Variants in ITGA4 observed in about 807,000 individuals in gnomAD.
The protein encoded by ITGA4 is integrin alpha-4.
A neutral mutation model predicts 133.6 loss-of-function variants in ITGA4; 63 were observed. The ratio of observed to expected loss-of-function variants is 0.47; its 90% confidence interval spans 0.38 to 0.58. The LOEUF (loss-of-function observed/expected upper bound fraction) is 0.58. ITGA4 is among the 20% of genes least tolerant of loss of function. The pLI, the probability that ITGA4 is intolerant of heterozygous loss-of-function variation, is 0.00. For missense variants in ITGA4, 1,076 were observed against 1,252.7 expected, an observed-to-expected ratio of 0.86 and a Z score of 2.13; for synonymous variants, 483 against 438.0, an observed-to-expected ratio of 1.10 and a Z score of -1.28.
intron 2 of ITGA4, chr2:181,459,199 A>C (rs1316229484): frequency 6.6e-6 from 1 of 152,216 alleles, no homozygotes; most frequent in East Asian, 1.9e-4. Flanking sequence ...CCTTTTTAAA[A>C]GTTACTTAGC....
At position 181,485,870 on chromosome 2, in the gene ITGA4, T is replaced by G. The variant is rs1685902827; in HGVS notation, c.1042-11T>G. The G allele has an allele frequency of 6.3e-7, 1 of 1,591,848 alleles. No individual in the cohort carries two copies. The highest frequency in any genetic ancestry group is 1.4e-5 in the African/African-American group (1 of 73,840). On this transcript the variant is annotated splice_polypyrimidine_tract_variant and intron_variant, in intron 9 of 27. Coordinates refer to ENST00000397033, the MANE Select transcript of ITGA4 (RefSeq NM_000885.6). ...GTTATAATGACACGTTTTCTCTCCC[T>G]TTCTATCTAGGGAGCAGTAATGAAT...
At chr2:181,503,426 CTA>C (rs1686323861) in intron 15 of ITGA4, among the ~76,000 whole-genome samples, 1 of 151,854 alleles carries the variant, frequency 6.6e-6, no homozygotes, top group Non-Finnish European at 1.5e-5. Flanking sequence ...TTTTCTGAGG[CTA>C]TGTTTTCATT....
At chr2:181,462,268 CTT>C (rs1685299381) in intron 2 of ITGA4, among the ~76,000 whole-genome samples, 1 of 152,144 alleles carries the variant, frequency 6.6e-6, no homozygotes, top group African/African-American at 2.4e-5. Context: ...CTGTCCCTCT[CTT>C]ACAGGAAAGA....
chr2:181,535,025 T>A, intron 27 of ITGA4, 90 bp downstream of exon 27: 1 of 1,385,274 alleles, frequency 7.2e-7, no homozygotes, highest in Non-Finnish European at 9.6e-7. Context: ...ATTTAAATAT[T>A]TCACTATTTG....
intron 24 of ITGA4, among the ~76,000 whole-genome samples, chr2:181,530,954 C>T (rs1480659502): frequency 2.0e-5 from 3 of 151,920 alleles, no homozygotes; most frequent in Admixed American, 6.6e-5. Context: ...GAGTGAAACC[C>T]CGTCTCTACT....
chr2:181,510,048 T>A (rs1186549370), intron 16 of ITGA4, among the ~76,000 whole-genome samples: 1 of 152,130 alleles, frequency 6.6e-6, no homozygotes, highest in East Asian at 1.9e-4. Context: ...GCTGATGTTC[T>A]ATTTTTAATG....
At position 181,501,209 on chromosome 2, in the gene ITGA4, T is replaced by C. The variant is rs574370794; in HGVS notation, c.1695+2432T>C. ...CTGCAGTAAGGGCTGAGAATGTGCA[T>C]TTCTGCAAAGTTCCCAGAGGACCCA... On this transcript the variant is annotated intron_variant, in intron 15 of 27. Coordinates refer to ENST00000397033, the MANE Select transcript of ITGA4 (RefSeq NM_000885.6). 3.3e-5 allele frequency among the ~76,000 whole-genome samples: 5 copies of C among 152,284 alleles called. No homozygotes were observed. The South Asian group carries it at 1.0e-3, about 32-fold the overall frequency.
At chr2:181,527,247 A>G in intron 21 of ITGA4, 50 bp from the exon 22 acceptor site, 1 of 1,070,938 alleles carries the variant, frequency 9.3e-7, no homozygotes, top group Non-Finnish European at 1.4e-6. Context: ...ACTCTTTATA[A>G]TACGTCATCG....
chr2:181,486,504 G>A (rs949449116), intron 10 of ITGA4, among the ~76,000 whole-genome samples: 2 of 152,156 alleles, frequency 1.3e-5, no homozygotes, highest in East Asian at 1.9e-4. Flanking sequence ...ATGTTGTGGA[G>A]GATCTGGGGA....
intron 10 of ITGA4, 170 bp from the exon 11 acceptor site, chr2:181,493,155 C>T (rs1488231590): frequency 1.8e-6 from 1 of 553,196 alleles, no homozygotes; most frequent in African/African-American, 1.9e-5. Flanking sequence ...TGTGTGCAAT[C>T]CTGTATATGA....
rs758195606 is a variant in ITGA4 at position 181,523,537 on chromosome 2, G to A, written c.2169+5G>A. 1 of 1,496,390 alleles carries A rather than the reference G, an allele frequency of 6.7e-7. No homozygotes were observed. The highest frequency in any genetic ancestry group is 9.3e-7 in the Non-Finnish European group (1 of 1,074,388). The allele number at this position is 1,496,390 out of a possible 1,614,324, so 92.7% of individuals were successfully genotyped here. A position where few individuals can be genotyped will look rare whatever the true frequency, so the allele number is the denominator to read the frequency against. On this transcript the variant is annotated splice_donor_5th_base_variant and intron_variant, in intron 19 of 27. Transcript: ENST00000397033. This position sits in a 1 kb window ranked among gnomAD's most constrained non-coding sequence, Gnocchi z 4.2. ...TATGTAGATCATCTCTCAAGGGTAA[G>A]TGTTTCATATTTATGGCTTTTGTTC...
At chr2:181,519,698 T>G (rs573778399) in intron 17 of ITGA4, among the ~76,000 whole-genome samples, 7 of 152,182 alleles carry the variant, frequency 4.6e-5, no homozygotes, top group African/African-American at 1.7e-4. Context: ...ACCAAAACAT[T>G]AGGTTGTCTG....
chr2:181,478,053 G>T (rs1685717151), intron 4 of ITGA4, among the ~76,000 whole-genome samples: 1 of 152,002 alleles, frequency 6.6e-6, no homozygotes, highest in Non-Finnish European at 1.5e-5. Flanking sequence ...TTTAAAAAAG[G>T]AAATTCTGAC....
intron 15 of ITGA4, among the ~76,000 whole-genome samples, chr2:181,507,905 T>C (rs531125412): frequency 6.6e-6 from 1 of 152,292 alleles, no homozygotes; most frequent in South Asian, 2.1e-4. Flanking sequence ...CTTGAGAGTC[T>C]AGGACACTTT....
chr2:181,486,028 C>T, intron 10 of ITGA4, 36 bp downstream of exon 10: 1 of 1,554,936 alleles, frequency 6.4e-7, no homozygotes, highest in East Asian at 2.4e-5. Context: ...TTGATTTCTG[C>T]TTTTAAAATG....
In ITGA4 at chr2:181,482,421, AG is replaced by A; in HGVS notation, c.903+1del. 1 of 1,613,262 alleles carries A rather than the reference AG, an allele frequency of 6.2e-7. No individual in the cohort carries two copies. Among genetic ancestry groups the A allele is most frequent in the Non-Finnish European group, 8.5e-7 (1 of 1,179,476 alleles). On this transcript the variant is annotated frameshift_variant and splice_region_variant, in exon 8 of 28. Coordinates refer to ENST00000397033, the MANE Select transcript of ITGA4 (RefSeq NM_000885.6). LOFTEE classifies it high-confidence loss of function. The part of the protein sequence containing the change: ...LNILHEMKGK[K>X]LGSYFGASVC... The stretch of plus-strand genomic sequence containing the variant: ...ATCTTACATGAAATGAAAGGTAAAA[AG>A]GTAATATGTCTCTACCTTTAGTATC...
chr2:181,524,576 T>C (rs2305581), intron 20 of ITGA4, among the ~76,000 whole-genome samples: 16,135 of 152,180 alleles, frequency 0.11, 1,203 homozygotes, highest in East Asian at 0.22. Flanking sequence ...ATGACTTCCA[T>C]AGATATGTCT....
Position 181,524,248 on chromosome 2 carries a change from C to T in ITGA4, c.2247C>T (p.Thr749=). ...EEDLSITVHA[T]CENEEEMDNL... is the part of the protein sequence containing the mutation. ...ACCTCAGTATCACAGTGCATGCTACCTGGTATAATTTATTGTTAATAAAAT... is the reference window on the plus strand; with the variant it reads ...ACCTCAGTATCACAGTGCATGCTACTTGGTATAATTTATTGTTAATAAAAT... The change falls in exon 20 of 28, where the codon ACC becomes ACT. Residue 749 remains threonine, a splice_region_variant and synonymous_variant. Coordinates refer to ENST00000397033, the MANE Select transcript of ITGA4 (RefSeq NM_000885.6). The T allele has an allele frequency of 6.5e-7, 1 of 1,540,642 alleles. No individual in the cohort carries two copies.
intron 9 of ITGA4, among the ~76,000 whole-genome samples, chr2:181,485,221 G>T (rs779968879): frequency 6.6e-6 from 1 of 152,016 alleles, no homozygotes; most frequent in Non-Finnish European, 1.5e-5. Flanking sequence ...CAATCAAGAC[G>T]CTACACTATA....
Sources: allele counts gnomAD v4.1 joint callset (sites outside exome capture counted in the v4.1 genomes callset), GRCh38; gene constraint gnomAD v4.1.1; non-coding constraint Gnocchi (gnomAD v3.1); transcripts MANE v1.5; gene names NCBI Gene and HGNC (gene_info 2026-07-23, HGNC 2026-07-21).